SBF2: variants seen among roughly 807,000 people sequenced by gnomAD.
SBF2 encodes myotubularin-related protein 13.
A neutral mutation model predicts 225.2 loss-of-function variants in SBF2; 112 were observed. The ratio of observed to expected loss-of-function variants is 0.50; its 90% confidence interval spans 0.43 to 0.58. SBF2 has a LOEUF of 0.58. SBF2 is among the 20% of genes least tolerant of loss of function. The pLI is 0.00. For synonymous variants in SBF2, 763 were observed against 773.3 expected (o/e 0.99, Z 0.22); for missense variants, 1,996 against 2,206.2 (o/e 0.90, Z 1.91).
intron 17 of SBF2, among the ~76,000 whole-genome samples, chr11:9,868,299 C>T (rs578244179): frequency 2.2e-5 from 3 of 136,378 alleles, no homozygotes; most frequent in Non-Finnish European, 3.0e-5. Flanking sequence ...TTGAGACCAT[C>T]CTGGCTAACA....
chr11:9,933,324 A>G (rs1037142767), intron 16 of SBF2, among the ~76,000 whole-genome samples: 6 of 152,202 alleles, frequency 3.9e-5, no homozygotes, highest in African/African-American at 9.7e-5. Flanking sequence ...GGACATCTAC[A>G]GAACTCTCCA....
At chr11:10,202,715 G>C (rs866809743) in intron 1 of SBF2, among the ~76,000 whole-genome samples, 1 of 152,236 alleles carries the variant, frequency 6.6e-6, no homozygotes, top group African/African-American at 2.4e-5. Context: ...GTGAACCCGG[G>C]AGGCGGAGCT....
chr11:10,274,170 T>C (rs931454495), intron 1 of SBF2, among the ~76,000 whole-genome samples: 1 of 152,198 alleles, frequency 6.6e-6, no homozygotes, highest in Admixed American at 6.5e-5. Context: ...ATGAGATCAC[T>C]GGAGAAATAG....
At chr11:9,931,608 C>A (rs1348543261) in intron 16 of SBF2, among the ~76,000 whole-genome samples, 1 of 152,126 alleles carries the variant, frequency 6.6e-6, no homozygotes, top group East Asian at 1.9e-4. Flanking sequence ...ACATCTACAC[C>A]AAAACCCCAT....
At chr11:10,233,916 G>A (rs1200597084) in intron 1 of SBF2, among the ~76,000 whole-genome samples, 2 of 152,144 alleles carry the variant, frequency 1.3e-5, no homozygotes, top group East Asian at 3.9e-4. Context: ...GCATCATGGT[G>A]AGGAGACTCC....
intron 1 of SBF2, among the ~76,000 whole-genome samples, chr11:10,197,983 C>T (rs1198007880): frequency 2.6e-5 from 4 of 152,202 alleles, no homozygotes; most frequent in Admixed American, 6.5e-5. Flanking sequence ...CAGTTCCTTT[C>T]CCCACTAAAG....
intron 3 of SBF2, among the ~76,000 whole-genome samples, chr11:10,031,844 G>A (rs890755582): frequency 6.6e-6 from 1 of 152,190 alleles, no homozygotes; most frequent in Non-Finnish European, 1.5e-5. Flanking sequence ...CTGGGCGTTA[G>A]GGATCCTCCC....
At chr11:9,820,125 T>C (rs1590155031) in intron 28 of SBF2, among the ~76,000 whole-genome samples, 1 of 152,210 alleles carries the variant, frequency 6.6e-6, no homozygotes, top group African/African-American at 2.4e-5. Flanking sequence ...TTTAGCACTT[T>C]CCAAGCAAAC....
intron 2 of SBF2, among the ~76,000 whole-genome samples, chr11:10,096,422 T>C (rs1375406331): frequency 2.8e-5 from 2 of 72,096 alleles, no homozygotes; most frequent in Non-Finnish European, 6.3e-5. Flanking sequence ...GTCAAAGTTC[T>C]GTAAAAAAAA....
chr11:10,018,216 C>A (rs1345929134), intron 6 of SBF2, among the ~76,000 whole-genome samples: 1 of 152,030 alleles, frequency 6.6e-6, no homozygotes, highest in African/African-American at 2.4e-5. Context: ...TACTGAACTA[C>A]TGAGATATAT....
chr11:10,031,742 G>T (rs978106273), intron 3 of SBF2, among the ~76,000 whole-genome samples: 3 of 152,136 alleles, frequency 2.0e-5, no homozygotes, highest in African/African-American at 7.2e-5. Flanking sequence ...TGAGAAAAGA[G>T]AACTCTGTTT....
At chr11:9,835,787 T>C (rs528169378) in intron 26 of SBF2, among the ~76,000 whole-genome samples, 21 of 152,302 alleles carry the variant, frequency 1.4e-4, no homozygotes, top group African/African-American at 5.1e-4. Context: ...TCCGTGTTAT[T>C]TGTACTCACG....
Position 9,976,751 on chromosome 11 carries a change from C to CT in SBF2, c.1396-8207dup, listed in dbSNP as rs796643065. Among the ~76,000 whole-genome samples the CT allele has an allele frequency of 4.3e-3, 601 of 138,552 alleles. 3 individuals carry two copies. Among genetic ancestry groups the CT allele is most frequent in the African/African-American group, 0.014 (568 of 39,862 alleles). The allele number at this position is 138,552 out of a possible 152,430, so 90.9% of individuals were successfully genotyped here. A position where few individuals can be genotyped will look rare whatever the true frequency, so the allele number is the denominator to read the frequency against. Reference sequence around the variant, plus strand: ...AACACATGTCCAACTGATTTCTTTTCTTTTTTTTTGTTGTTGTTGTTTTTT... The same window carrying CT: ...AACACATGTCCAACTGATTTCTTTTCTTTTTTTTTTGTTGTTGTTGTTTTTT... On this transcript the variant is annotated intron_variant, in intron 13 of 39. Transcript: ENST00000256190.
chr11:9,819,907 G>T (rs1032274764), intron 28 of SBF2, among the ~76,000 whole-genome samples: 10 of 152,010 alleles, frequency 6.6e-5, no homozygotes, highest in Admixed American at 2.0e-4. Context: ...AATTAGTTAC[G>T]AGCAGCAAAA....
chr11:10,035,551 C>T (rs375131051), intron 3 of SBF2, among the ~76,000 whole-genome samples: 3 of 152,080 alleles, frequency 2.0e-5, no homozygotes, highest in African/African-American at 7.2e-5. Context: ...CTACAAAGGA[C>T]TTAAACAAAT....
chr11:9,784,663 T>C (rs1852253402), intron 37 of SBF2, among the ~76,000 whole-genome samples: 2 of 152,220 alleles, frequency 1.3e-5, no homozygotes, highest in South Asian at 4.1e-4. Context: ...TCAGTAGCCA[T>C]CCTTTGTGCC....
intron 17 of SBF2, among the ~76,000 whole-genome samples, chr11:9,890,960 C>T (rs1022521933): frequency 4.0e-5 from 6 of 151,892 alleles, no homozygotes; most frequent in African/African-American, 1.5e-4. Context: ...GTGGTGAATC[C>T]CCATCTCTAC....
intron 13 of SBF2, among the ~76,000 whole-genome samples, chr11:9,975,755 C>T (rs1040630283): frequency 6.6e-6 from 1 of 152,076 alleles, no homozygotes; most frequent in Non-Finnish European, 1.5e-5. Context: ...CTATATAAGT[C>T]GTTTATGTCT....
chr11:9,823,632 A>G (rs939483878), intron 28 of SBF2, among the ~76,000 whole-genome samples: 6 of 152,196 alleles, frequency 3.9e-5, no homozygotes, highest in African/African-American at 1.4e-4. Context: ...CTTGCAAGGC[A>G]TGGGCATGTT....
Sources: allele counts gnomAD v4.1 joint callset (sites outside exome capture counted in the v4.1 genomes callset), GRCh38; gene constraint gnomAD v4.1.1; transcripts MANE v1.5; gene names NCBI Gene and HGNC (gene_info 2026-07-23, HGNC 2026-07-21).